Variants in BACH2 observed in about 807,000 individuals in gnomAD.
BACH2 encodes transcription regulator protein BACH2.
In BACH2, 5 loss-of-function variants were observed where a neutral mutation model predicts 61.8. That is an observed-to-expected ratio of 0.08 (90% CI 0.04 to 0.17). The LOEUF is 0.17. BACH2 is among the 10% of genes least tolerant of loss of function. The pLI, the probability that BACH2 is intolerant of heterozygous loss-of-function variation, is 1.00. For synonymous variants in BACH2, 446 were observed against 440.1 expected, an observed-to-expected ratio of 1.01 and a Z score of -0.17; for missense variants, 824 against 1,091.1, an observed-to-expected ratio of 0.76 and a Z score of 3.45.
intron 5 of BACH2, among the ~76,000 whole-genome samples, chr6:90,013,240 T>A (rs1452195415): frequency 6.6e-6 from 1 of 152,196 alleles, no homozygotes; most frequent in Non-Finnish European, 1.5e-5. Flanking sequence ...TTTTTTCCAA[T>A]TTGGATAATT....
At chr6:89,963,492 A>G (rs1411307329) in intron 6 of BACH2, among the ~76,000 whole-genome samples, 3 of 152,046 alleles carry the variant, frequency 2.0e-5, no homozygotes, top group African/African-American at 7.2e-5. Context: ...GAGTCTTGCC[A>G]TGTTGCCCAG....
intron 4 of BACH2, among the ~76,000 whole-genome samples, chr6:90,169,210 ATC>A (rs1767730142): frequency 6.6e-6 from 1 of 151,828 alleles, no homozygotes; most frequent in African/African-American, 2.4e-5. Flanking sequence ...CCCAATAAAC[ATC>A]TGTTATTTTT....
At chr6:90,039,081 G>C (rs1346894005) in intron 5 of BACH2, among the ~76,000 whole-genome samples, 1 of 151,262 alleles carries the variant, frequency 6.6e-6, no homozygotes, top group Non-Finnish European at 1.5e-5. Context: ...GCCATGATCT[G>C]CACCCTGCTT....
At chr6:90,013,977 C>G (rs753926798) in intron 5 of BACH2, among the ~76,000 whole-genome samples, 2 of 151,816 alleles carry the variant, frequency 1.3e-5, no homozygotes, top group Non-Finnish European at 2.9e-5. Flanking sequence ...AGAGATGAGG[C>G]CTTGCTATGT....
At chr6:90,181,651 AG>A (rs1460983570) in intron 4 of BACH2, among the ~76,000 whole-genome samples, 3 of 152,118 alleles carry the variant, frequency 2.0e-5, no homozygotes, top group Non-Finnish European at 4.4e-5. Context: ...GCACAATCAC[AG>A]CTCACTGCAG....
intron 3 of BACH2, among the ~76,000 whole-genome samples, chr6:90,232,424 TTTC>T (rs1435586516): frequency 3.3e-5 from 5 of 152,242 alleles, no homozygotes; most frequent in East Asian, 1.9e-4. Context: ...TGTATTTATT[TTTC>T]TTTTCTCTGT....
intron 1 of BACH2, among the ~76,000 whole-genome samples, chr6:90,291,513 AAAAGT>A (rs1489531776): frequency 7.2e-5 from 11 of 151,894 alleles, no homozygotes; most frequent in African/African-American, 2.2e-4. Flanking sequence ...TAACAAAAAA[AAAAGT>A]AAAGGGAAAA....
intron 3 of BACH2, among the ~76,000 whole-genome samples, chr6:90,212,293 A>G (rs2127852136): frequency 6.6e-6 from 1 of 152,292 alleles, no homozygotes; most frequent in East Asian, 1.9e-4. Context: ...CAAAGAAACT[A>G]GACTCCTGCC....
chr6:90,136,193 GTTTC>G (rs1346940029), intron 4 of BACH2, among the ~76,000 whole-genome samples: 2 of 152,190 alleles, frequency 1.3e-5, no homozygotes, highest in South Asian at 4.1e-4. Flanking sequence ...CTACGGCTGA[GTTTC>G]TTTATCTCCA....
chr6:90,284,448 C>T (rs1771955480), intron 1 of BACH2, among the ~76,000 whole-genome samples: 2 of 152,154 alleles, frequency 1.3e-5, no homozygotes, highest in South Asian at 4.1e-4. Context: ...CTTAGCAATA[C>T]CACAGCCCTC....
intron 3 of BACH2, among the ~76,000 whole-genome samples, chr6:90,242,372 A>C (rs928508974): frequency 6.6e-6 from 1 of 152,212 alleles, no homozygotes. Flanking sequence ...TCTTTCACTT[A>C]GCAATATGCA....
chr6:90,133,426 T>A (rs928800688), intron 4 of BACH2, among the ~76,000 whole-genome samples: 8 of 152,200 alleles, frequency 5.3e-5, no homozygotes, highest in Non-Finnish European at 1.0e-4. Flanking sequence ...TTAAATCAGG[T>A]AATCTTAAAC....
Position 90,228,229 on chromosome 6 carries a change from T to C in BACH2, c.-274-21548A>G, listed in dbSNP as rs570599378. ...GATAAAGTCTGAGTCAATTCTTCTT[T>C]ACATAATCTCCAACTTTCCACCATA... is the stretch of plus-strand genomic sequence containing the variant. On this transcript the variant is annotated intron_variant, in intron 3 of 8. Transcript: ENST00000257749. Among the ~76,000 whole-genome samples, 24 of 152,368 alleles carry C rather than the reference T, an allele frequency of 1.6e-4. No homozygotes were observed. In the South Asian group the frequency reaches 5.0e-3, roughly 32 times the overall value.
intron 6 of BACH2, among the ~76,000 whole-genome samples, chr6:89,961,484 A>C (rs1774741661): frequency 6.6e-6 from 1 of 152,214 alleles, no homozygotes; most frequent in Admixed American, 6.5e-5. Flanking sequence ...CCCTCTTCCC[A>C]TTCCAGAAAC....
chr6:90,145,144 A>G (rs1291692172), intron 4 of BACH2, among the ~76,000 whole-genome samples: 1 of 152,186 alleles, frequency 6.6e-6, no homozygotes, highest in Non-Finnish European at 1.5e-5. Context: ...TGGGAGAGAC[A>G]AGCGCATACT....
chr6:89,955,371 T>G (rs913734471), intron 6 of BACH2, among the ~76,000 whole-genome samples: 3 of 152,192 alleles, frequency 2.0e-5, no homozygotes, highest in African/African-American at 4.8e-5. Context: ...GGAAAAGCCA[T>G]TGCAAGATTA....
At chr6:90,218,148 T>A (rs532652930) in intron 3 of BACH2, 1 of 152,342 alleles carries the variant, frequency 6.6e-6, no homozygotes, top group South Asian at 2.1e-4. Flanking sequence ...AGCAAACTTG[T>A]ATGACATCAC....
intron 6 of BACH2, among the ~76,000 whole-genome samples, chr6:89,955,901 A>G (rs1482386090): frequency 6.6e-6 from 1 of 152,216 alleles, no homozygotes; most frequent in Non-Finnish European, 1.5e-5. Context: ...GTGGAGAATT[A>G]CACGCAAAAC....
chr6:90,211,243 C>G (rs1582489986), intron 3 of BACH2, among the ~76,000 whole-genome samples: 1 of 121,542 alleles, frequency 8.2e-6, no homozygotes, highest in East Asian at 5.1e-4. Flanking sequence ...GGCAAGCAAA[C>G]AAAGACACTC....
Sources: allele counts gnomAD v4.1 joint callset (sites outside exome capture counted in the v4.1 genomes callset), GRCh38; gene constraint gnomAD v4.1.1; transcripts MANE v1.5; gene names NCBI Gene and HGNC (gene_info 2026-07-23, HGNC 2026-07-21).